CCDC33: variants seen among roughly 807,000 people sequenced by gnomAD.
CCDC33 encodes the protein coiled-coil domain-containing protein 33.
A neutral mutation model predicts 91.9 loss-of-function variants in CCDC33; 94 were observed. That is an observed-to-expected ratio of 1.02 (90% CI 0.87 to 1.21). The LOEUF (loss-of-function observed/expected upper bound fraction) is 1.21. Among genes scored for constraint, CCDC33 ranks in the 50% most tolerant of loss-of-function variants. The pLI is 0.00. For missense variants in CCDC33, 940 were observed against 935.5 expected (o/e 1.00, Z -0.06); for synonymous variants, 396 against 374.5 (o/e 1.06, Z -0.66).
At chr15:74,259,123 G>A (rs887846074) in intron 2 of CCDC33, among the ~76,000 whole-genome samples, 2 of 152,136 alleles carry the variant, frequency 1.3e-5, no homozygotes, top group Admixed American at 6.5e-5. Flanking sequence ...CGAGACAGCA[G>A]GCACCACCCA....
chr15:74,307,441 T>C (rs1253509445), intron 11 of CCDC33, among the ~76,000 whole-genome samples: 2 of 152,294 alleles, frequency 1.3e-5, no homozygotes, highest in East Asian at 3.9e-4. Flanking sequence ...AGGAACCTGC[T>C]GATAGCACAA....
At position 74,335,944 on chromosome 15, in the gene CCDC33, T is replaced by C. The variant is rs746572087; in HGVS notation, c.2159T>C (p.Met720Thr). 7.4e-6 allele frequency: 12 copies of C among 1,613,800 alleles called. No individual in the cohort carries two copies. The highest frequency in any genetic ancestry group is 3.3e-5 in the South Asian group (3 of 91,074). ...IEQPSALTHS[M>T]DLKQPSELEP... The stretch of plus-strand genomic sequence containing the variant: ...CCACAGAGTGCCCTCACCCACTCCA[T>C]GGACCTCAAGCAGCCCTCAGAGCTG... Residue 720 changes from methionine to threonine, a missense_variant, in exon 19 of 19, where the codon ATG becomes ACG. Physicochemically the swap from Met to Thr is moderately conservative, Grantham distance 81. Coordinates refer to ENST00000398814, the MANE Select transcript of CCDC33 (RefSeq NM_025055.5).
chr15:74,205,041 T>C (rs1302793433), intron 1 of CCDC33, among the ~76,000 whole-genome samples: 1 of 152,130 alleles, frequency 6.6e-6, no homozygotes, highest in Non-Finnish European at 1.5e-5. Context: ...AGTCAAGGCC[T>C]GCACCAAATG....
chr15:74,304,320 G>A (rs1357860866), intron 11 of CCDC33: 1 of 152,178 alleles, frequency 6.6e-6, no homozygotes, highest in African/African-American at 2.4e-5. Flanking sequence ...GATCAAGGCG[G>A]AGAATAAAAA....
intron 10 of CCDC33, among the ~76,000 whole-genome samples, chr15:74,295,500 G>T (rs952473188): frequency 1.3e-5 from 2 of 152,162 alleles, no homozygotes; most frequent in African/African-American, 4.8e-5. Flanking sequence ...GATCCCTGAG[G>T]ACCTCCAGGA....
intron 2 of CCDC33, chr15:74,221,425 T>A: frequency 3.2e-6 from 2 of 634,648 alleles, no homozygotes; most frequent in African/African-American, 2.0e-5. Flanking sequence ...TCATTTTGCT[T>A]CTCAGCCACG....
chr15:74,299,597 A>G (rs1036133371), intron 11 of CCDC33: 2 of 152,326 alleles, frequency 1.3e-5, no homozygotes, highest in African/African-American at 4.8e-5. Context: ...GCTTCCTGAC[A>G]TGGCAATCTC....
At chr15:74,242,207 T>C (rs2075370987) in intron 1 of CCDC33, among the ~76,000 whole-genome samples, 1 of 152,176 alleles carries the variant, frequency 6.6e-6, no homozygotes, top group South Asian at 2.1e-4. Context: ...CAAGTCCTCA[T>C]CTCCCCACTG....
At chr15:74,330,073 G>A in intron 11 of CCDC33, 116 bp from the exon 12 acceptor site, 3 of 1,218,982 alleles carry the variant, frequency 2.5e-6, no homozygotes, top group Non-Finnish European at 2.3e-6. Flanking sequence ...ATGGCTTGGG[G>A]CTCCTGGTGC....
chr15:74,324,648 C>T (rs1044183042), intron 11 of CCDC33, among the ~76,000 whole-genome samples: 5 of 151,810 alleles, frequency 3.3e-5, no homozygotes, highest in African/African-American at 1.2e-4. Flanking sequence ...AATCTGCTCC[C>T]TTCCCAAGGC....
At chr15:74,321,590 G>C (rs1000951471) in intron 11 of CCDC33, among the ~76,000 whole-genome samples, 5 of 152,046 alleles carry the variant, frequency 3.3e-5, no homozygotes, top group African/African-American at 1.2e-4. Context: ...TAGTAGAGAG[G>C]GGGTTTCACT....
chr15:74,288,750 C>G (rs990505848), intron 10 of CCDC33, among the ~76,000 whole-genome samples: 4 of 152,214 alleles, frequency 2.6e-5, no homozygotes, highest in African/African-American at 7.2e-5. Flanking sequence ...GTACCCCCAA[C>G]CCCAAGCTCC....
chr15:74,217,871 A>G (rs140760187), intron 1 of CCDC33, among the ~76,000 whole-genome samples: 3 of 152,176 alleles, frequency 2.0e-5, no homozygotes, highest in Non-Finnish European at 4.4e-5. Context: ...CTGAGCACAC[A>G]GTGGGTTTGG....
intron 7 of CCDC33, 67 bp downstream of exon 7, chr15:74,272,958 A>G: frequency 6.3e-7 from 1 of 1,589,018 alleles, no homozygotes; most frequent in South Asian, 1.1e-5. Flanking sequence ...TCACTCACTC[A>G]GTGAGTCAGT....
intron 1 of CCDC33, chr15:74,208,996 T>A: frequency 5.9e-6 from 6 of 1,024,838 alleles, no homozygotes; most frequent in Non-Finnish European, 7.0e-6. Context: ...CCCTGAGAAG[T>A]GTCCCCAGCA....
chr15:74,269,312 C>G (rs896619374), intron 5 of CCDC33, among the ~76,000 whole-genome samples: 1 of 151,484 alleles, frequency 6.6e-6, no homozygotes, highest in Admixed American at 6.6e-5. Flanking sequence ...CTTCCCACCC[C>G]CCTACTTCCC....
chr15:74,264,175 G>A (rs906540889), intron 3 of CCDC33, among the ~76,000 whole-genome samples: 4 of 151,066 alleles, frequency 2.6e-5, no homozygotes, highest in East Asian at 3.9e-4. Flanking sequence ...TGTTGGAACC[G>A]GTTGCTGTGG....
At chr15:74,217,746 T>C (rs1490458945) in intron 1 of CCDC33, among the ~76,000 whole-genome samples, 2 of 152,062 alleles carry the variant, frequency 1.3e-5, no homozygotes, top group East Asian at 3.9e-4. Context: ...ATTCTGGGCC[T>C]TTGTAACCCG....
intron 10 of CCDC33, 143 bp downstream of exon 10, chr15:74,281,992 G>A: frequency 1.5e-6 from 1 of 674,060 alleles, no homozygotes; most frequent in Non-Finnish European, 2.5e-6. Context: ...AGGGTGATTT[G>A]AGACTCCAGA....
Sources: gnomAD v4.1 joint callset for allele counts (sites outside exome capture counted in the v4.1 genomes callset) on GRCh38, gnomAD v4.1.1 for gene constraint, MANE v1.5 for transcripts, NCBI Gene and HGNC (gene_info 2026-07-23, HGNC 2026-07-21) for gene names.